The following TM7SF3 variants were observed in gnomAD, a reference collection of about 807,000 sequenced individuals.
The protein encoded by TM7SF3 is transmembrane 7 superfamily member 3.
A neutral mutation model predicts 65.5 loss-of-function variants in TM7SF3; 60 were observed. That is an observed-to-expected ratio of 0.92 (90% CI 0.74 to 1.14). TM7SF3 has a LOEUF of 1.14. Among genes scored for constraint, TM7SF3 ranks in the 50% most tolerant of loss-of-function variants. The probability of loss-of-function intolerance (pLI) is 0.00; values close to 1 mark genes in which losing one functional copy is unlikely to be tolerated. For synonymous variants in TM7SF3, 264 were observed against 259.6 expected (o/e 1.02, Z -0.16); for missense variants, 623 against 684.8 (o/e 0.91, Z 1.01).
At chr12:26,995,542 A>G in intron 4 of TM7SF3, 134 bp from the exon 5 acceptor site, 1 of 922,886 alleles carries the variant, frequency 1.1e-6, no homozygotes, top group Non-Finnish European at 1.7e-6. Context: ...TGCAGTGGCA[A>G]CAATTGGTAT....
At chr12:26,988,048 T>G (rs1458745887) in intron 6 of TM7SF3, among the ~76,000 whole-genome samples, 1 of 149,400 alleles carries the variant, frequency 6.7e-6, no homozygotes, top group Non-Finnish European at 1.5e-5. Flanking sequence ...GTCAAGGTCT[T>G]AAAAGATTAA....
At chr12:27,009,986 G>C (rs182668707) in intron 1 of TM7SF3, among the ~76,000 whole-genome samples, 1 of 152,154 alleles carries the variant, frequency 6.6e-6, no homozygotes, top group African/African-American at 2.4e-5. Context: ...ATTCCTGGCT[G>C]TGCAGGATTT....
chr12:27,006,311 G>T (rs1565468431), intron 1 of TM7SF3, among the ~76,000 whole-genome samples: 2 of 151,198 alleles, frequency 1.3e-5, no homozygotes, highest in Non-Finnish European at 2.9e-5. Context: ...CTAATTTTTT[G>T]TATTTTTAGT....
At chr12:27,009,839 TG>T (rs1941180161) in intron 1 of TM7SF3, among the ~76,000 whole-genome samples, 1 of 148,540 alleles carries the variant, frequency 6.7e-6, no homozygotes, top group African/African-American at 2.4e-5. Flanking sequence ...AGGATAAATA[TG>T]TATTTTTTTC....
rs1225771487 is a variant in TM7SF3, at chr12:26,978,316, A to G, written c.1189+1468T>C. The G allele has an allele frequency of 2.4e-5, 4 of 170,046 alleles. No homozygotes were observed. In the Admixed American group the frequency reaches 2.6e-4, roughly 11 times the overall value. The allele number at this position is 170,046 out of a possible 1,614,324, so 10.5% of individuals were successfully genotyped here. On this transcript the variant is annotated intron_variant, in intron 9 of 11. Coordinates refer to ENST00000343028, the MANE Select transcript of TM7SF3 (RefSeq NM_016551.3). ...GAGACCTCTTTATTTCTGTTTTCTC[A>G]TTCCTCACATCTATCCTATGAGATA...
At chr12:27,007,192 A>C (rs1215971927) in intron 1 of TM7SF3, among the ~76,000 whole-genome samples, 1 of 152,246 alleles carries the variant, frequency 6.6e-6, no homozygotes, top group African/African-American at 2.4e-5. Context: ...GAATAATTAC[A>C]ACTTTCATCT....
intron 5 of TM7SF3, among the ~76,000 whole-genome samples, chr12:26,993,905 G>A (rs1940481660): frequency 6.6e-6 from 1 of 152,136 alleles, no homozygotes; most frequent in African/African-American, 2.4e-5. Context: ...AACTGAGGAA[G>A]GTTTCATTTG....
intron 11 of TM7SF3, 55 bp downstream of exon 11, chr12:26,975,441 T>C: frequency 1.3e-6 from 2 of 1,589,968 alleles, no homozygotes; most frequent in Non-Finnish European, 1.7e-6. Context: ...TTAGCATAGG[T>C]GGGTCAAGAC....
intron 9 of TM7SF3, among the ~76,000 whole-genome samples, chr12:26,976,602 T>G (rs1939578758): frequency 2.0e-5 from 3 of 152,208 alleles, no homozygotes; most frequent in Admixed American, 2.0e-4. Context: ...ATTAACAAAA[T>G]CATTTAGAAG....
intron 9 of TM7SF3, chr12:26,978,016 A>C: frequency 2.4e-6 from 1 of 424,250 alleles, no homozygotes; most frequent in Non-Finnish European, 4.7e-6. Context: ...GGATGGCTTG[A>C]GCCTTAGAGT....
At chr12:27,012,962 C>T (rs1941303434) in intron 1 of TM7SF3, 1 of 267,822 alleles carries the variant, frequency 3.7e-6, no homozygotes, top group Non-Finnish European at 7.3e-6. Flanking sequence ...CATGCCACTG[C>T]ACTCCAGCCT....
intron 6 of TM7SF3, among the ~76,000 whole-genome samples, chr12:26,987,834 A>ATTGAT: frequency 2.0e-5 from 3 of 152,306 alleles, no homozygotes; most frequent in Admixed American, 2.0e-4. Flanking sequence ...ACTTGGCAAG[A>ATTGAT]CACCAATAAC....
At position 27,014,291 on chromosome 12, in the gene TM7SF3, G is replaced by A. The variant is rs1169573538; in HGVS notation, c.-123C>T. ...CCGCATCGGGCGCCATCGCCCGCCA[G>A]GTGCAGACGCTTCGCACCTGCCAGC... On this transcript the variant is annotated 5_prime_UTR_variant, in exon 1 of 12. Transcript: ENST00000343028. 5.1e-6 allele frequency: 4 copies of A among 781,474 alleles called. No homozygotes were observed. Among genetic ancestry groups the A allele is most frequent in the Admixed American group, 4.2e-5 (1 of 24,070 alleles). 48.4% of individuals were successfully genotyped at this position (781,474 alleles called of 1,614,324 possible).
chr12:27,012,313 G>T (rs1941274621), intron 1 of TM7SF3, among the ~76,000 whole-genome samples: 1 of 152,070 alleles, frequency 6.6e-6, no homozygotes, highest in African/African-American at 2.4e-5. Context: ...GAAAGCACCT[G>T]GCACACACTA....
At chr12:26,995,104 A>C in intron 5 of TM7SF3, 133 bp downstream of exon 5, 2 of 903,486 alleles carry the variant, frequency 2.2e-6, no homozygotes, top group Non-Finnish European at 3.4e-6. Context: ...AGATGATAAC[A>C]AAAGAGAATA....
intron 1 of TM7SF3, 142 bp downstream of exon 1, chr12:27,013,936 C>A (rs558679653): frequency 1.4e-6 from 1 of 734,700 alleles, no homozygotes; most frequent in South Asian, 1.5e-5. Context: ...CCATTCGTGC[C>A]GGTTCTGGAC....
At chr12:26,998,105 T>C (rs1352058401) in intron 3 of TM7SF3, among the ~76,000 whole-genome samples, 2 of 152,134 alleles carry the variant, frequency 1.3e-5, no homozygotes, top group African/African-American at 2.4e-5. Flanking sequence ...AGTGCTGGGA[T>C]TACAGGTGTG....
intron 6 of TM7SF3, 127 bp from the exon 7 acceptor site, chr12:26,982,986 C>T: frequency 3.2e-6 from 2 of 626,260 alleles, no homozygotes; most frequent in Non-Finnish European, 5.3e-6. Flanking sequence ...ATGTATATTA[C>T]AAATTTATCT....
chr12:27,002,148 T>C (rs894876991), intron 2 of TM7SF3, among the ~76,000 whole-genome samples: 1 of 152,048 alleles, frequency 6.6e-6, no homozygotes, highest in African/African-American at 2.4e-5. Context: ...GTAAGAAAGA[T>C]AGTGTGACCA....
Sources: allele counts gnomAD v4.1 joint callset (sites outside exome capture counted in the v4.1 genomes callset), GRCh38; gene constraint gnomAD v4.1.1; transcripts MANE v1.5; gene names NCBI Gene and HGNC (gene_info 2026-07-23, HGNC 2026-07-21).